MYO6: variants seen among roughly 807,000 people sequenced by gnomAD.
The protein encoded by MYO6 is unconventional myosin-VI.
MYO6 carries 74 observed loss-of-function variants against 178.7 expected under a neutral mutation model. The ratio of observed to expected loss-of-function variants is 0.41; its 90% CI spans 0.34 to 0.50. MYO6 has a LOEUF of 0.50. MYO6 is among the 20% of genes least tolerant of loss of function. The pLI is 0.09. For synonymous variants in MYO6, 477 were observed against 504.6 expected (o/e 0.95, Z 0.73); for missense variants, 1,330 against 1,547.4 (o/e 0.86, Z 2.36).
intron 11 of MYO6, among the ~76,000 whole-genome samples, chr6:75,848,962 T>C (rs1366942378): frequency 6.6e-6 from 1 of 152,174 alleles, no homozygotes; most frequent in Non-Finnish European, 1.5e-5. Flanking sequence ...ACTTTATTAA[T>C]GAGAAATGAA....
rs116543595 is a variant in MYO6 at position 75,783,596 on chromosome 6, C to A, written c.-47-33905C>A. ...TTGCCATTTAAAATATCCCACTTAC[C>A]TCAGTAATGTTGACACATACCATAA... On this transcript the variant is annotated intron_variant, in intron 1 of 34. Transcript: ENST00000369977. Among the ~76,000 whole-genome samples, 3 of 150,084 alleles carry A rather than the reference C, an allele frequency of 2.0e-5. No individual in the cohort carries two copies. In the East Asian group the frequency reaches 5.8e-4, roughly 29 times the overall value.
intron 1 of MYO6, among the ~76,000 whole-genome samples, chr6:75,805,938 A>G (rs1583141720): frequency 6.6e-6 from 1 of 152,200 alleles, no homozygotes; most frequent in Admixed American, 6.5e-5. Context: ...AGTACTCTTC[A>G]TATGCAAACA....
intron 20 of MYO6, among the ~76,000 whole-genome samples, chr6:75,876,807 T>G (rs1285374717): frequency 1.3e-5 from 2 of 152,158 alleles, no homozygotes; most frequent in East Asian, 3.8e-4. Context: ...TAGAATTTGT[T>G]CCAGTCATGT....
intron 1 of MYO6, among the ~76,000 whole-genome samples, chr6:75,751,528 T>C (rs930423521): frequency 1.2e-4 from 18 of 152,222 alleles, no homozygotes; most frequent in Admixed American, 1.2e-3. Context: ...CAATTAAATA[T>C]TGCATTAAAA....
chr6:75,861,193 A>G (rs1194461669), intron 15 of MYO6, 98 bp downstream of exon 15: 1 of 980,742 alleles, frequency 1.0e-6, no homozygotes, highest in Non-Finnish European at 1.6e-6. Flanking sequence ...TACTTGTTAT[A>G]TGACTTGAAA....
intron 1 of MYO6, among the ~76,000 whole-genome samples, chr6:75,806,836 G>A (rs1770145815): frequency 6.6e-6 from 1 of 152,168 alleles, no homozygotes. Flanking sequence ...TAATAAATAC[G>A]TGGGTAAATG....
At chr6:75,830,309 A>G (rs1772950946) in intron 4 of MYO6, 107 bp from the exon 5 acceptor site, 1 of 994,272 alleles carries the variant, frequency 1.0e-6, no homozygotes, top group Non-Finnish European at 1.5e-6. Flanking sequence ...AGTCTTAGTT[A>G]TATAGATAAT....
chr6:75,837,469 A>C (rs746575578), intron 7 of MYO6, among the ~76,000 whole-genome samples: 15 of 152,116 alleles, frequency 9.9e-5, no homozygotes, highest in Non-Finnish European at 2.2e-4. Context: ...GGGCTCAAGC[A>C]ATCCTCCTGC....
intron 1 of MYO6, among the ~76,000 whole-genome samples, chr6:75,764,172 A>G (rs1329632689): frequency 6.6e-6 from 1 of 152,076 alleles, no homozygotes; most frequent in Non-Finnish European, 1.5e-5. Flanking sequence ...AGCTTCCCAA[A>G]GTGCTGGGAT....
intron 1 of MYO6, among the ~76,000 whole-genome samples, chr6:75,769,601 T>C (rs952634201): frequency 2.0e-5 from 3 of 152,212 alleles, no homozygotes; most frequent in Non-Finnish European, 4.4e-5. Context: ...TCTGCTGCTC[T>C]CAAGAATAGA....
At chr6:75,855,375 G>A (rs1775649110) in intron 12 of MYO6, 92 bp downstream of exon 12, 6 of 1,316,198 alleles carry the variant, frequency 4.6e-6, no homozygotes, top group Non-Finnish European at 6.4e-6. Context: ...ACCTGAGCTT[G>A]GTAGATCAAA....
chr6:75,802,537 G>A (rs527522713), intron 1 of MYO6, among the ~76,000 whole-genome samples: 20 of 147,032 alleles, frequency 1.4e-4, no homozygotes, highest in Non-Finnish European at 2.5e-4. Flanking sequence ...AGGCTGGAGT[G>A]TAGTGGCATG....
At position 75,863,336 on chromosome 6, in the gene MYO6, A is replaced by G. The variant is rs1215063268; in HGVS notation, c.1674+613A>G. ...CCAATTCATTTTGACCCTCTTTCCT[A>G]AGGAGTTTTGAGTGGAAAATACACT... On this transcript the variant is annotated intron_variant, in intron 16 of 34. Transcript: ENST00000369977. 2.6e-5 allele frequency among the ~76,000 whole-genome samples: 4 copies of G among 152,110 alleles called. 1 individual carries two copies. The highest frequency in any genetic ancestry group is 9.7e-5 in the African/African-American group (4 of 41,418).
chr6:75,783,197 A>G (rs1767166747), intron 1 of MYO6, among the ~76,000 whole-genome samples: 1 of 152,100 alleles, frequency 6.6e-6, no homozygotes, highest in Admixed American at 6.6e-5. Flanking sequence ...GATTACAGGT[A>G]TTAGCCACTG....
chr6:75,810,664 G>C (rs1041936911), intron 1 of MYO6, among the ~76,000 whole-genome samples: 1 of 152,184 alleles, frequency 6.6e-6, no homozygotes, highest in East Asian at 1.9e-4. Context: ...CATGAAAGGT[G>C]GGGGATGGGA....
At chr6:75,840,522 C>A in intron 7 of MYO6, 63 bp from the exon 8 acceptor site, 1 of 1,033,178 alleles carries the variant, frequency 9.7e-7, no homozygotes, top group Non-Finnish European at 1.5e-6. Flanking sequence ...GGAGATATAC[C>A]ATGCATATTT....
chr6:75,856,328 C>G (rs1775712127), intron 12 of MYO6, among the ~76,000 whole-genome samples: 1 of 152,028 alleles, frequency 6.6e-6, no homozygotes, highest in Non-Finnish European at 1.5e-5. Context: ...CAAAGCAGCT[C>G]TTTTATGTAC....
In MYO6 at chr6:75,915,982, A is replaced by T. The variant is rs574246022; in HGVS notation, c.*970A>T. 1 of 152,614 alleles carries T rather than the reference A, an allele frequency of 6.6e-6. No homozygotes were observed. Among genetic ancestry groups the T allele is most frequent in the African/African-American group, 2.4e-5 (1 of 41,520 alleles). The allele number at this position is 152,614 out of a possible 1,614,324, so 9.5% of individuals were successfully genotyped here. ...TTTTTTGGCCTTTGAGGTTTTGGTA[A>T]TTGTAGACCTGTTTCATAAGCTTTG... On this transcript the variant is annotated 3_prime_UTR_variant, in exon 35 of 35. Coordinates refer to ENST00000369977, the MANE Select transcript of MYO6 (RefSeq NM_004999.4).
At position 75,756,903 on chromosome 6, in the gene MYO6, A is replaced by ATG. The variant is rs1777411317; in HGVS notation, c.-48+7481_-48+7482insGT. Among the ~76,000 whole-genome samples the ATG allele has an allele frequency of 3.3e-5, 3 of 92,000 alleles. 1 individual carries two copies. The highest frequency in any genetic ancestry group is 8.0e-5 in the Non-Finnish European group (3 of 37,348). 60.4% of individuals were successfully genotyped at this position (92,000 alleles called of 152,430 possible). A position where few individuals can be genotyped will look rare whatever the true frequency, so the allele number is the denominator to read the frequency against. The stretch of plus-strand genomic sequence containing the variant: ...ATGTGTGTTGTGTGTGTATATATAT[A>ATG]TATATATACACATATATATACACAC... On this transcript the variant is annotated intron_variant, in intron 1 of 34. Transcript: ENST00000369977.
Sources: gnomAD v4.1 joint callset for allele counts (sites outside exome capture counted in the v4.1 genomes callset) on GRCh38, gnomAD v4.1.1 for gene constraint, MANE v1.5 for transcripts, NCBI Gene and HGNC (gene_info 2026-07-23, HGNC 2026-07-21) for gene names.